The following PARD3 variants were observed in gnomAD, a reference collection of about 807,000 sequenced individuals.
PARD3 encodes par-3 family cell polarity regulator, also known as partitioning defective 3 homolog.
PARD3 carries 75 observed loss-of-function variants against 155.4 expected under a neutral mutation model. The observed-to-expected ratio is 0.48, with a 90% CI of 0.40 to 0.58. The LOEUF (loss-of-function observed/expected upper bound fraction) is 0.58, where lower values mean the gene tolerates loss of function less well. PARD3 is among the 20% of genes least tolerant of loss of function. The probability of loss-of-function intolerance (pLI) is 0.00; values close to 1 mark genes in which losing one functional copy is unlikely to be tolerated. For missense variants in PARD3, 1,642 were observed against 1,721.7 expected (o/e 0.95, Z 0.82); for synonymous variants, 576 against 610.5 (o/e 0.94, Z 0.83).
rs141831601 is a variant in PARD3, at chr10:34,610,671, A to T, written c.222+85647T>A. ...GAGTTTCCTTTTTTGAAATATATATATAATGTGGTTGCTGACAGCATTTTG... is the reference window on the plus strand; with the variant it reads ...GAGTTTCCTTTTTTGAAATATATATTTAATGTGGTTGCTGACAGCATTTTG... On this transcript the variant is annotated intron_variant, in intron 2 of 24. Coordinates refer to ENST00000374788, the MANE Select transcript of PARD3 (RefSeq NM_001184785.2). Among the ~76,000 whole-genome samples, 22 of 152,324 alleles carry T rather than the reference A, an allele frequency of 1.4e-4. 1 individual carries two copies. Among genetic ancestry groups the T allele is most frequent in the African/African-American group, 5.3e-4 (22 of 41,568 alleles).
chr10:34,703,483 A>AT (rs2094315548), intron 1 of PARD3, among the ~76,000 whole-genome samples: 2 of 152,226 alleles, frequency 1.3e-5, no homozygotes, highest in South Asian at 4.1e-4. Context: ...GACAAAGAAG[A>AT]TAAAAAAGGC....
rs1456098041 is a variant in PARD3, at chr10:34,269,884, A to C, written c.3192T>G (p.Thr1064=). 2 of 1,613,552 alleles carry C rather than the reference A, an allele frequency of 1.2e-6. No individual in the cohort carries two copies. The highest frequency in any genetic ancestry group is 1.7e-6 in the Non-Finnish European group (2 of 1,179,808). ...KQEQERIQAK[T]REFRERQARE... The stretch of plus-strand genomic sequence containing the variant: ...GAGCTTGTCGTTCCCTAAATTCTCG[A>C]GTTTTGGCTTGAATCCTATGAAATC... The change falls in exon 22 of 25, where the codon ACT becomes ACG. Residue 1064 remains threonine, a synonymous_variant. Coordinates refer to ENST00000374788, the MANE Select transcript of PARD3 (RefSeq NM_001184785.2).
chr10:34,118,548 G>A (rs1946808659), intron 24 of PARD3, among the ~76,000 whole-genome samples: 1 of 152,068 alleles, frequency 6.6e-6, no homozygotes, highest in Non-Finnish European at 1.5e-5. Context: ...GTTTTGCCAT[G>A]TTGCCCAGGC....
intron 2 of PARD3, among the ~76,000 whole-genome samples, chr10:34,672,315 C>T (rs1413757287): frequency 6.6e-6 from 1 of 152,150 alleles, no homozygotes; most frequent in Non-Finnish European, 1.5e-5. Flanking sequence ...AGCTGGTTCA[C>T]AACCCAAAAA....
At chr10:34,639,487 T>C (rs2092598812) in intron 2 of PARD3, among the ~76,000 whole-genome samples, 1 of 152,202 alleles carries the variant, frequency 6.6e-6, no homozygotes, top group South Asian at 2.1e-4. Context: ...CCCGTTAGTG[T>C]GGTGGAGGAT....
chr10:34,556,378 CTTCT>C (rs1398517648), intron 2 of PARD3, among the ~76,000 whole-genome samples: 16 of 134,250 alleles, frequency 1.2e-4, no homozygotes, highest in East Asian at 2.1e-4. Context: ...AATTCCTTTT[CTTCT>C]TTCTTTTTTT....
intron 1 of PARD3, among the ~76,000 whole-genome samples, chr10:34,759,046 A>C (rs1837093388): frequency 1.3e-5 from 2 of 152,214 alleles, no homozygotes; most frequent in Non-Finnish European, 2.9e-5. Flanking sequence ...GATAAATGAA[A>C]ACTAAAATAA....
intron 2 of PARD3, among the ~76,000 whole-genome samples, chr10:34,673,077 T>C (rs936757834): frequency 6.6e-6 from 1 of 152,142 alleles, no homozygotes; most frequent in African/African-American, 2.4e-5. Context: ...AATCCAACCT[T>C]ATCTCAGCAT....
chr10:34,267,662 A>C (rs1316070142), intron 22 of PARD3, among the ~76,000 whole-genome samples: 1 of 152,232 alleles, frequency 6.6e-6, no homozygotes, highest in Non-Finnish European at 1.5e-5. Context: ...AACTGGAAGT[A>C]GGTAAAATAG....
At chr10:34,306,481 C>A (rs1957415192) in intron 20 of PARD3, among the ~76,000 whole-genome samples, 1 of 151,900 alleles carries the variant, frequency 6.6e-6, no homozygotes, top group African/African-American at 2.4e-5. Flanking sequence ...GAAACCCCAT[C>A]TCTACTAAAA....
intron 12 of PARD3, among the ~76,000 whole-genome samples, chr10:34,361,131 G>A (rs570151909): frequency 6.4e-4 from 98 of 152,222 alleles, no homozygotes; most frequent in African/African-American, 2.1e-3. Flanking sequence ...CAGCAATCCC[G>A]CCCATGACCA....
intron 2 of PARD3, among the ~76,000 whole-genome samples, chr10:34,518,996 C>T (rs1458004342): frequency 6.6e-6 from 1 of 152,170 alleles, no homozygotes. Context: ...TATAACATTA[C>T]TTTTGTGGTA....
chr10:34,190,389 T>C (rs1039445355), intron 22 of PARD3, among the ~76,000 whole-genome samples: 26 of 152,248 alleles, frequency 1.7e-4, no homozygotes, highest in African/African-American at 6.0e-4. Context: ...CAGTTATTTA[T>C]ATAAAATGTA....
At chr10:34,605,180 A>T (rs929435764) in intron 2 of PARD3, among the ~76,000 whole-genome samples, 55 of 62,482 alleles carry the variant, frequency 8.8e-4, no homozygotes, top group South Asian at 6.8e-3. Flanking sequence ...CCAAAATGAA[A>T]TTTTTTTTTT....
At chr10:34,724,899 G>A (rs769898180) in intron 1 of PARD3, among the ~76,000 whole-genome samples, 4 of 152,150 alleles carry the variant, frequency 2.6e-5, no homozygotes, top group Non-Finnish European at 5.9e-5. Context: ...TCTAAAATCC[G>A]CTCAGTGAGC....
chr10:34,433,398 T>C (rs1246887312), intron 5 of PARD3, among the ~76,000 whole-genome samples: 1 of 152,242 alleles, frequency 6.6e-6, no homozygotes, highest in Admixed American at 6.5e-5. Context: ...CATTATTTTA[T>C]TTGAATCAAG....
At chr10:34,674,478 A>ATTTTTTTTTTTTTTTTTTTTT (rs11402018) in intron 2 of PARD3, among the ~76,000 whole-genome samples, 1 of 79,528 alleles carries the variant, frequency 1.3e-5, no homozygotes, top group Non-Finnish European at 2.3e-5. Flanking sequence ...CACGCTCTTG[A>ATTTTTTTTTTTTTTTTTTTTT]TTTTTTTTTT....
intron 23 of PARD3, among the ~76,000 whole-genome samples, chr10:34,129,832 C>CGT (rs759583191): frequency 2.5e-5 from 3 of 120,126 alleles, no homozygotes; most frequent in African/African-American, 9.6e-5. Flanking sequence ...TAATTAAAAA[C>CGT]TTTTTTTTTT....
intron 2 of PARD3, among the ~76,000 whole-genome samples, chr10:34,518,003 C>T (rs112867935): frequency 0.024 from 3,635 of 152,238 alleles, 149 homozygotes; most frequent in African/African-American, 0.084. Context: ...CTCAGCCTCC[C>T]AAGTAGCGGG....
Sources: allele counts gnomAD v4.1 joint callset (sites outside exome capture counted in the v4.1 genomes callset), GRCh38; gene constraint gnomAD v4.1.1; transcripts MANE v1.5; gene names NCBI Gene and HGNC (gene_info 2026-07-23, HGNC 2026-07-21).